Variants in ZNF726 observed in about 807,000 individuals in gnomAD.
ZNF726 encodes zinc finger protein 92 pseudogene 3.
ZNF726 carries 15 observed loss-of-function variants against 11.6 expected under a neutral mutation model. That is an observed-to-expected ratio of 1.29 (90% CI 0.86 to 1.99). The LOEUF (loss-of-function observed/expected upper bound fraction) is 1.99, where lower values mean the gene tolerates loss of function less well. Among genes scored for constraint, ZNF726 ranks in the 30% most tolerant of loss-of-function variants. The pLI, the probability that ZNF726 is intolerant of heterozygous loss-of-function variation, is 0.00. For missense variants in ZNF726, 890 were observed against 725.6 expected (o/e 1.23, Z -2.60); for synonymous variants, 295 against 243.6 (o/e 1.21, Z -1.96).
chr19:23,924,191 A>G (rs543294888), intron 3 of ZNF726, among the ~76,000 whole-genome samples: 3 of 151,040 alleles, frequency 2.0e-5, no homozygotes, highest in East Asian at 1.9e-4. Context: ...TTACAGGCAC[A>G]TGCCACCACA....
At chr19:23,938,488 T>C (rs1968283255), downstream of ZNF726, among the ~76,000 whole-genome samples, 1 of 152,178 alleles carries the variant, frequency 6.6e-6, no homozygotes, top group South Asian at 2.1e-4. Context: ...TATTACTGTA[T>C]AACCTTTTGG....
chr19:23,919,262 C>T (rs1324366390), intron 1 of ZNF726, 111 bp from the exon 2 acceptor site: 2 of 1,505,218 alleles, frequency 1.3e-6, no homozygotes, highest in Middle Eastern at 1.8e-4. Flanking sequence ...ATTTCAGTCC[C>T]TCTTATAAGT....
intron 4 of ZNF726, chr19:23,944,611 G>C (rs1968389424): frequency 5.9e-6 from 1 of 168,982 alleles, no homozygotes; most frequent in Non-Finnish European, 1.2e-5. Flanking sequence ...TTATTCTGTA[G>C]GTTGCCTATT....
chr19:23,937,411 G>A (rs1315318191), downstream of ZNF726, among the ~76,000 whole-genome samples: 2 of 151,036 alleles, frequency 1.3e-5, no homozygotes, highest in African/African-American at 4.9e-5. Flanking sequence ...GGGCAGAGGG[G>A]CTCCTCACTT....
chr19:23,926,560 ACT>A lies in ZNF726; in HGVS notation c.227-5780_227-5779del, dbSNP rs1264939431. On this transcript the variant is annotated intron_variant, in intron 3 of 3. Coordinates refer to ENST00000594466, the MANE Select transcript of ZNF726 (RefSeq NM_001244038.2). ...ACTCCAGCCTGGGCAACAGAGCAAGACTCTGTTCCAAAAAAAAAAAAAAAAAA... is the reference window on the plus strand; with the variant it reads ...ACTCCAGCCTGGGCAACAGAGCAAGACTGTTCCAAAAAAAAAAAAAAAAAA... Among the ~76,000 whole-genome samples, 207 of 120,050 alleles carry A rather than the reference ACT, an allele frequency of 1.7e-3. 2 individuals carry two copies. Among genetic ancestry groups the A allele is most frequent in the African/African-American group, 6.3e-3 (190 of 30,216 alleles). 78.8% of individuals were successfully genotyped at this position (120,050 alleles called of 152,430 possible). A position where few individuals can be genotyped will look rare whatever the true frequency, so the allele number is the denominator to read the frequency against.
intron 3 of ZNF726, among the ~76,000 whole-genome samples, chr19:23,929,568 C>T (rs1004593390): frequency 2.0e-5 from 3 of 152,150 alleles, no homozygotes; most frequent in Admixed American, 2.0e-4. Flanking sequence ...TACCTTCCAC[C>T]ACGTCCCTCC....
At chr19:23,934,764 G>GA (rs1402586552), downstream of ZNF726, among the ~76,000 whole-genome samples, 1 of 152,188 alleles carries the variant, frequency 6.6e-6, no homozygotes, top group Non-Finnish European at 1.5e-5. Context: ...GCAATGTGGG[G>GA]AAAAGGCTCC....
chr19:23,928,937 CA>C (rs1449073953), intron 3 of ZNF726: 2 of 152,030 alleles, frequency 1.3e-5, no homozygotes, highest in Non-Finnish European at 2.9e-5. Context: ...AGCTGGGTTA[CA>C]AGTGTGTAGC....
At chr19:23,943,339 A>G (rs1968367625) in intron 3 of ZNF726, among the ~76,000 whole-genome samples, 1 of 152,262 alleles carries the variant, frequency 6.6e-6, no homozygotes, top group Non-Finnish European at 1.5e-5. Context: ...CAGAAATGTA[A>G]AATATGTTCT....
chr19:23,929,956 CTTA>C (rs1968070635), intron 3 of ZNF726, among the ~76,000 whole-genome samples: 1 of 151,992 alleles, frequency 6.6e-6, no homozygotes, highest in Non-Finnish European at 1.5e-5. Flanking sequence ...ACAAAATGGA[CTTA>C]TTATAGCAGT....
downstream of ZNF726, among the ~76,000 whole-genome samples, chr19:23,938,345 CTA>C (rs1968280689): frequency 6.6e-6 from 1 of 151,914 alleles, no homozygotes; most frequent in Non-Finnish European, 1.5e-5. Flanking sequence ...AAGTTTGAAA[CTA>C]TTTTTAGCCA....
rs924425209 is a variant in ZNF726 at position 23,933,491 on chromosome 19, A to G, written c.1375A>G (p.Ser459Gly). 2 of 1,610,792 alleles carry G rather than the reference A, an allele frequency of 1.2e-6. No individual in the cohort carries two copies. The highest frequency in any genetic ancestry group is 1.7e-6 in the Non-Finnish European group (2 of 1,179,176). The change falls in exon 4 of 4, where the codon AGT becomes GGT. Residue 459 changes from serine to glycine, a missense_variant. Coordinates refer to ENST00000594466, the MANE Select transcript of ZNF726 (RefSeq NM_001244038.2). Reference sequence around the variant, plus strand: ...GAAACCCTACAAATGTGAAGAATGTAGTAAAGCATTTAGCCGATCCTCAGC... The same window carrying G: ...GAAACCCTACAAATGTGAAGAATGTGGTAAAGCATTTAGCCGATCCTCAGC... ...REKPYKCEEC[S>G]KAFSRSSALT...
At position 23,932,376 on chromosome 19, in the gene ZNF726, C is replaced by T; in HGVS notation, c.260C>T (p.Pro87Leu). 2 of 1,458,230 alleles carry T rather than the reference C, an allele frequency of 1.4e-6. No homozygotes were observed. The highest frequency in any genetic ancestry group is 9.0e-7 in the Non-Finnish European group (1 of 1,107,044). 90.3% of individuals were successfully genotyped at this position (1,458,230 alleles called of 1,614,324 possible). A position where few individuals can be genotyped will look rare whatever the true frequency, so the allele number is the denominator to read the frequency against. ...CCTCATTTTGCTCAAGACATTTGGC[C>T]AGAGCAGGGCGTGGAAGATTCTTTT... ...ICPHFAQDIWPEQGVEDSFQK... is the reference protein window; with the variant it reads ...ICPHFAQDIWLEQGVEDSFQK... The change falls in exon 4 of 4, where the codon CCA becomes CTA. Residue 87 changes from proline to leucine, a missense_variant. Transcript: ENST00000594466.
chr19:23,943,549 C>G (rs1211150270), exon 4 of ZNF726: 1 of 676,824 alleles, frequency 1.5e-6, no homozygotes, highest in Non-Finnish European at 2.7e-6. Flanking sequence ...TAAAAGAGCC[C>G]TGGAATGTGA....
chr19:23,927,462 C>T (rs1430963157), intron 3 of ZNF726, among the ~76,000 whole-genome samples: 1 of 151,670 alleles, frequency 6.6e-6, no homozygotes. Flanking sequence ...TAATTTTGGT[C>T]TTCTTAAATT....
chr19:23,941,318 T>C (rs1968335153), intron 3 of ZNF726, among the ~76,000 whole-genome samples: 1 of 152,212 alleles, frequency 6.6e-6, no homozygotes, highest in Non-Finnish European at 1.5e-5. Flanking sequence ...CCTGCATCCC[T>C]GGTATGCAAC....
At chr19:23,925,055 T>A (rs1890626396) in intron 3 of ZNF726, among the ~76,000 whole-genome samples, 1 of 152,216 alleles carries the variant, frequency 6.6e-6, no homozygotes, top group African/African-American at 2.4e-5. Flanking sequence ...TTTTCCACTT[T>A]CTGTTTTTAC....
At chr19:23,918,131 A>G (rs1191121244) in intron 1 of ZNF726, among the ~76,000 whole-genome samples, 3 of 152,212 alleles carry the variant, frequency 2.0e-5, no homozygotes, top group Non-Finnish European at 2.9e-5. Flanking sequence ...GGTAATTCAC[A>G]GAGTGGGTAG....
intron 3 of ZNF726, among the ~76,000 whole-genome samples, chr19:23,941,586 T>A (rs1405837645): frequency 1.3e-5 from 2 of 152,172 alleles, no homozygotes; most frequent in African/African-American, 4.8e-5. Context: ...TAGAATTCTG[T>A]GAATCAGTCT....
Sources: gnomAD v4.1 joint callset for allele counts (sites outside exome capture counted in the v4.1 genomes callset) on GRCh38, gnomAD v4.1.1 for gene constraint, MANE v1.5 for transcripts, NCBI Gene and HGNC (gene_info 2026-07-23, HGNC 2026-07-21) for gene names.